Variants in CIT observed in about 807,000 individuals in gnomAD.
CIT encodes citron rho-interacting serine/threonine kinase, also known as citron Rho-interacting kinase.
A neutral mutation model predicts 272.7 loss-of-function variants in CIT; 79 were observed. That is an observed-to-expected ratio of 0.29 (90% CI 0.24 to 0.35). The LOEUF (loss-of-function observed/expected upper bound fraction) is 0.35, where lower values mean the gene tolerates loss of function less well. Among genes scored for constraint, CIT ranks in the 10% least tolerant of loss-of-function variants. The pLI, the probability that CIT is intolerant of heterozygous loss-of-function variation, is 1.00. For synonymous variants in CIT, 948 were observed against 995.6 expected (o/e 0.95, Z 0.90); for missense variants, 1,909 against 2,618.3 (o/e 0.73, Z 5.91).
intron 8 of CIT, among the ~76,000 whole-genome samples, chr12:119,824,427 C>T (rs890806544): frequency 6.6e-6 from 1 of 152,116 alleles, no homozygotes; most frequent in Non-Finnish European, 1.5e-5. Flanking sequence ...CAGTTATTCA[C>T]AGTTAACAGC....
chr12:119,745,607 A>T (rs1959269980), intron 23 of CIT, among the ~76,000 whole-genome samples: 1 of 152,138 alleles, frequency 6.6e-6, no homozygotes, highest in African/African-American at 2.4e-5. Context: ...CCCTGGAGAG[A>T]TGGTAAAACA....
intron 10 of CIT, among the ~76,000 whole-genome samples, chr12:119,800,973 T>C (rs1966148030): frequency 6.6e-6 from 1 of 152,148 alleles, no homozygotes; most frequent in African/African-American, 2.4e-5. Flanking sequence ...CCAAGTCCAA[T>C]AGCAATAACA....
intron 26 of CIT, among the ~76,000 whole-genome samples, chr12:119,733,228 AGG>A (rs1033205667): frequency 6.6e-6 from 1 of 151,464 alleles, no homozygotes; most frequent in African/African-American, 2.4e-5. Flanking sequence ...CTACTAAGAA[AGG>A]AGAAAAAAAA....
At chr12:119,845,868 G>A (rs1334159367) in intron 5 of CIT, among the ~76,000 whole-genome samples, 2 of 151,388 alleles carry the variant, frequency 1.3e-5, no homozygotes, top group Non-Finnish European at 2.9e-5. Flanking sequence ...GAGAACCCGG[G>A]AGGCAGAGGT....
intron 7 of CIT, among the ~76,000 whole-genome samples, chr12:119,827,500 C>T (rs1377408434): frequency 1.3e-5 from 2 of 151,546 alleles, no homozygotes; most frequent in Admixed American, 1.3e-4. Flanking sequence ...TGCAGTGCTG[C>T]GATCTCAGCT....
chr12:119,755,574 C>G (rs1960851169), intron 22 of CIT, among the ~76,000 whole-genome samples: 1 of 152,242 alleles, frequency 6.6e-6, no homozygotes, highest in Non-Finnish European at 1.5e-5. Flanking sequence ...CTTCCAACAA[C>G]CACTATCCTG....
At position 119,718,974 on chromosome 12, in the gene CIT, G is replaced by GT. The variant is rs1957690514; in HGVS notation, c.3841-114dup. 9.8e-7 allele frequency: 1 copy of GT among 1,022,932 alleles called. No individual in the cohort carries two copies. The highest frequency in any genetic ancestry group is 1.4e-6 in the Non-Finnish European group (1 of 690,250). The allele number at this position is 1,022,932 out of a possible 1,614,324, so 63.4% of individuals were successfully genotyped here. A position where few individuals can be genotyped will look rare whatever the true frequency, so the allele number is the denominator to read the frequency against. On this transcript the variant is annotated intron_variant, in intron 30 of 47. Transcript: ENST00000392521. This position sits in a 1 kb window ranked among gnomAD's most constrained non-coding sequence, Gnocchi z 4.8. ...CACAAAAGCCAGGAGCATACTCACT[G>GT]TAAGTGTATTTAGTAAAAATGGCAT...
intron 4 of CIT, among the ~76,000 whole-genome samples, chr12:119,852,179 T>A (rs1347954827): frequency 6.6e-6 from 1 of 152,214 alleles, no homozygotes; most frequent in Non-Finnish European, 1.5e-5. Context: ...TCTGCTCTGA[T>A]GCAATAAGAA....
intron 4 of CIT, among the ~76,000 whole-genome samples, chr12:119,852,487 G>A (rs1244325753): frequency 6.6e-6 from 1 of 152,184 alleles, no homozygotes; most frequent in Non-Finnish European, 1.5e-5. Context: ...GCCAAGGCGG[G>A]CGGATCACTT....
At chr12:119,809,936 G>A (rs1761512647) in intron 9 of CIT, among the ~76,000 whole-genome samples, 1 of 152,228 alleles carries the variant, frequency 6.6e-6, no homozygotes, top group Admixed American at 6.5e-5. Flanking sequence ...GGAGGTTCCT[G>A]GAGGGCGACC....
In CIT at chr12:119,873,435, A is replaced by C. The variant is rs572557438; in HGVS notation, c.96+2638T>G. On this transcript the variant is annotated intron_variant, in intron 2 of 47. Coordinates refer to ENST00000392521, the MANE Select transcript of CIT (RefSeq NM_001206999.2). ...TGGGACTACAGGCACACACCATCAC[A>C]GTCAGCTATTTTTTGTGTTTTTAGT... Among the ~76,000 whole-genome samples, 69 of 151,896 alleles carry C rather than the reference A, an allele frequency of 4.5e-4. No individual in the cohort carries two copies. In the South Asian group the frequency reaches 0.014, roughly 30 times the overall value.
At chr12:119,731,587 C>T (rs929461093) in intron 26 of CIT, among the ~76,000 whole-genome samples, 2 of 151,178 alleles carry the variant, frequency 1.3e-5, no homozygotes, top group African/African-American at 4.9e-5. Context: ...AAAAAAATCA[C>T]TTCCCTTTCC....
At chr12:119,803,514 A>C (rs1966387682) in intron 9 of CIT, 125 bp from the exon 10 acceptor site, 1 of 636,676 alleles carries the variant, frequency 1.6e-6, no homozygotes, top group Non-Finnish European at 2.6e-6. Flanking sequence ...GCCTGCTTTC[A>C]ATCTAGCTCG....
chr12:119,747,647 G>A (rs1434665203), intron 23 of CIT, among the ~76,000 whole-genome samples: 1 of 152,018 alleles, frequency 6.6e-6, no homozygotes, highest in Non-Finnish European at 1.5e-5. Flanking sequence ...CTGAACCCAG[G>A]AGGTGGAAGT....
At chr12:119,769,765 T>C (rs894245033) in intron 18 of CIT, among the ~76,000 whole-genome samples, 1 of 152,234 alleles carries the variant, frequency 6.6e-6, no homozygotes, top group African/African-American at 2.4e-5. Context: ...ATTTTTCTTT[T>C]ACCTGTTGAT....
intron 7 of CIT, among the ~76,000 whole-genome samples, chr12:119,830,579 C>T (rs1009031931): frequency 2.0e-5 from 3 of 149,874 alleles, no homozygotes; most frequent in Admixed American, 6.8e-5. Context: ...CAACCTACTG[C>T]AGGCATGATC....
At position 119,720,600 on chromosome 12, in the gene CIT, A is replaced by G. The variant is rs1279533010; in HGVS notation, c.3733-15T>C. The G allele has an allele frequency of 3.3e-6, 5 of 1,531,934 alleles. No homozygotes were observed. The highest frequency in any genetic ancestry group is 4.5e-6 in the Non-Finnish European group (5 of 1,122,296). 94.9% of individuals were successfully genotyped at this position (1,531,934 alleles called of 1,614,324 possible). A position where few individuals can be genotyped will look rare whatever the true frequency, so the allele number is the denominator to read the frequency against. ...GAATAGAGAACCTAAAATTCAAGAA[A>G]ACAAACTAACCTCAAATCCAGACAG... On this transcript the variant is annotated splice_polypyrimidine_tract_variant and intron_variant, in intron 29 of 47. Transcript: ENST00000392521.
At chr12:119,711,105 A>G in intron 37 of CIT, 1 of 1,366,634 alleles carries the variant, frequency 7.3e-7, no homozygotes, top group Non-Finnish European at 9.8e-7. Flanking sequence ...TATTGTACAC[A>G]TATTAACAAG....
At chr12:119,731,564 A>G (rs1958446688) in intron 26 of CIT, among the ~76,000 whole-genome samples, 1 of 151,614 alleles carries the variant, frequency 6.6e-6, no homozygotes, top group Non-Finnish European at 1.5e-5. Context: ...AAAAACCAGA[A>G]GCAAAATAGG....
Sources: allele counts gnomAD v4.1 joint callset (sites outside exome capture counted in the v4.1 genomes callset), GRCh38; gene constraint gnomAD v4.1.1; non-coding constraint Gnocchi (gnomAD v3.1); transcripts MANE v1.5; gene names NCBI Gene and HGNC (gene_info 2026-07-23, HGNC 2026-07-21).